SPTBN1: variants seen among roughly 807,000 people sequenced by gnomAD.
The protein encoded by SPTBN1 is spectrin beta chain, non-erythrocytic 1.
In SPTBN1, 32 loss-of-function variants were observed where a neutral mutation model predicts 266.4. That is an observed-to-expected ratio of 0.12 (90% confidence interval 0.09 to 0.16). The LOEUF is 0.16. SPTBN1 is among the 10% of genes least tolerant of loss of function. SPTBN1 has a pLI of 1.00. For synonymous variants in SPTBN1, 1,336 were observed against 1,162.2 expected, an observed-to-expected ratio of 1.15 and a Z score of -3.04; for missense variants, 2,296 against 3,067.1, an observed-to-expected ratio of 0.75 and a Z score of 5.94.
rs1206950771 is a variant in SPTBN1 at position 54,645,202 on chromosome 2, G to A, written c.4270-27G>A. On this transcript the variant is annotated intron_variant, in intron 20 of 35. Coordinates refer to ENST00000356805, the MANE Select transcript of SPTBN1 (RefSeq NM_003128.3). This position sits in a 1 kb window ranked among gnomAD's most constrained non-coding sequence, Gnocchi z 4.3. Reference sequence around the variant, plus strand: ...CACTGCAAAAGATAGTCTGTGCTGAGCGCTGAGGCTGCTTCTCTGCCCTCA... The same window carrying A: ...CACTGCAAAAGATAGTCTGTGCTGAACGCTGAGGCTGCTTCTCTGCCCTCA... 4 of 1,612,600 alleles carry A rather than the reference G, an allele frequency of 2.5e-6. No individual in the cohort carries two copies. In the South Asian group the frequency reaches 3.3e-5, roughly 13 times the overall value.
chr2:54,557,350 A>G (rs1366482107), intron 2 of SPTBN1, among the ~76,000 whole-genome samples: 2 of 151,554 alleles, frequency 1.3e-5, no homozygotes, highest in African/African-American at 4.9e-5. Context: ...TGGAAATGCC[A>G]AAAGTGTAAT....
intron 2 of SPTBN1, among the ~76,000 whole-genome samples, chr2:54,568,470 T>C (rs1052901419): frequency 1.3e-5 from 2 of 152,182 alleles, no homozygotes; most frequent in African/African-American, 4.8e-5. Flanking sequence ...TTTTTGGTTT[T>C]TTTGAATAAA....
rs10176445 is a variant in SPTBN1 at position 54,618,639 on chromosome 2, G to A, written c.763+446G>A. On this transcript the variant is annotated intron_variant, in intron 7 of 35. Coordinates refer to ENST00000356805, the MANE Select transcript of SPTBN1 (RefSeq NM_003128.3). Reference sequence around the variant, plus strand: ...AAAAGTAGAAAACCTGGCATAGGCTGTTAATGAATACTTGTTGGCTGACAT... The same window carrying A: ...AAAAGTAGAAAACCTGGCATAGGCTATTAATGAATACTTGTTGGCTGACAT... 1.8e-3 allele frequency among the ~76,000 whole-genome samples: 275 copies of A among 152,204 alleles called. 1 individual carries two copies. The highest frequency in any genetic ancestry group is 2.9e-3 in the Admixed American group (45 of 15,294).
chr2:54,607,880 G>A (rs375117933), intron 3 of SPTBN1, among the ~76,000 whole-genome samples: 5 of 152,094 alleles, frequency 3.3e-5, no homozygotes, highest in South Asian at 2.1e-4. Context: ...TTTTTTATAG[G>A]AGAAAAGAAA....
chr2:54,625,317 G>T (rs1678250904), intron 11 of SPTBN1, among the ~76,000 whole-genome samples: 1 of 152,044 alleles, frequency 6.6e-6, no homozygotes, highest in Admixed American at 6.6e-5. Context: ...AACAAAAATG[G>T]CTTGCTTTTC....
intron 2 of SPTBN1, among the ~76,000 whole-genome samples, chr2:54,597,757 C>T (rs543954607): frequency 2.6e-5 from 4 of 152,224 alleles, no homozygotes; most frequent in African/African-American, 7.2e-5. Context: ...AACCTGAGAA[C>T]CCAGTACTCT....
intron 24 of SPTBN1, 29 bp downstream of exon 24, chr2:54,647,290 C>T (rs199796141): frequency 4.5e-5 from 73 of 1,610,106 alleles, no homozygotes; most frequent in East Asian, 2.9e-4. Context: ...GTGTGAGACC[C>T]GGCTCTCGAT....
At chr2:54,522,043 G>A (rs1208735049) in intron 1 of SPTBN1, among the ~76,000 whole-genome samples, 5 of 151,430 alleles carry the variant, frequency 3.3e-5, no homozygotes, top group South Asian at 4.2e-4. Context: ...AACCACAGGC[G>A]CATGCCACCA....
chr2:54,592,143 G>A (rs1675723731), intron 2 of SPTBN1, among the ~76,000 whole-genome samples: 1 of 152,036 alleles, frequency 6.6e-6, no homozygotes, highest in Admixed American at 6.6e-5. Context: ...CTCTAGCTGG[G>A]GTGACAGACT....
At chr2:54,486,693 C>G (rs941648627) in intron 1 of SPTBN1, among the ~76,000 whole-genome samples, 2 of 147,800 alleles carry the variant, frequency 1.4e-5, no homozygotes, top group Middle Eastern at 3.5e-3. Flanking sequence ...TCCCCCTCTG[C>G]GAGAAACACC....
rs770728751 is a variant in SPTBN1 at position 54,659,938 on chromosome 2, A to G, written c.6359A>G (p.Asp2120Gly). ...CCTTTTCCCCTCTTCCCTAACAGGG[A>G]TACTTCAAAAGGAGAACAAGTTTCC... Reference protein sequence around the residue: ...SEEAESQQQWDTSKGEQVSQN... With the variant: ...SEEAESQQQWGTSKGEQVSQN... Residue 2120 changes from aspartate (D) to glycine (G), a missense_variant and splice_region_variant, in exon 32 of 36, where the codon GAT (aspartate) becomes GGT (glycine). Coordinates refer to ENST00000356805, the MANE Select transcript of SPTBN1 (RefSeq NM_003128.3). 1 of 1,613,708 alleles carries G rather than the reference A, an allele frequency of 6.2e-7. No homozygotes were observed. The highest frequency in any genetic ancestry group is 8.5e-7 in the Non-Finnish European group (1 of 1,179,868).
chr2:54,593,060 A>G (rs1016747658), intron 2 of SPTBN1, among the ~76,000 whole-genome samples: 1 of 152,226 alleles, frequency 6.6e-6, no homozygotes, highest in African/African-American at 2.4e-5. Flanking sequence ...GGAGCACCAT[A>G]CTAGGATTTC....
intron 1 of SPTBN1, among the ~76,000 whole-genome samples, chr2:54,478,088 A>C (rs1163578331): frequency 1.3e-5 from 2 of 152,210 alleles, no homozygotes; most frequent in African/African-American, 4.8e-5. Context: ...AACATTTTTC[A>C]CATGGTCTGA....
At chr2:54,594,290 C>T (rs1428617236) in intron 2 of SPTBN1, among the ~76,000 whole-genome samples, 1 of 151,908 alleles carries the variant, frequency 6.6e-6, no homozygotes, top group Non-Finnish European at 1.5e-5. Flanking sequence ...GCAGGTTCCT[C>T]ATTTGTGGAT....
intron 1 of SPTBN1, among the ~76,000 whole-genome samples, chr2:54,493,213 C>G (rs934394743): frequency 6.6e-6 from 1 of 151,736 alleles, no homozygotes; most frequent in Non-Finnish European, 1.5e-5. Context: ...GCCATGTTGC[C>G]CAGGCTGGTC....
intron 1 of SPTBN1, among the ~76,000 whole-genome samples, chr2:54,478,387 G>A (rs941922587): frequency 2.0e-5 from 3 of 152,100 alleles, no homozygotes; most frequent in Admixed American, 2.0e-4. Flanking sequence ...GCCACCCTCT[G>A]GACCTGGTCA....
intron 2 of SPTBN1, among the ~76,000 whole-genome samples, chr2:54,567,606 A>G (rs576223606): frequency 1.6e-4 from 25 of 152,208 alleles, no homozygotes; most frequent in Admixed American, 9.8e-4. Flanking sequence ...TGCAAGTGCA[A>G]TTTGCTACAT....
intron 3 of SPTBN1, among the ~76,000 whole-genome samples, chr2:54,600,578 G>A (rs898663351): frequency 7.9e-5 from 12 of 152,190 alleles, no homozygotes; most frequent in African/African-American, 2.7e-4. Context: ...TTTCCAAAGT[G>A]AGTCTTGTTT....
chr2:54,530,317 C>A (rs1671140144), intron 2 of SPTBN1, among the ~76,000 whole-genome samples: 3 of 135,484 alleles, frequency 2.2e-5, no homozygotes, highest in African/African-American at 8.3e-5. Context: ...TTGACAGATA[C>A]TTCCTATTAT....
Sources: allele counts gnomAD v4.1 joint callset (sites outside exome capture counted in the v4.1 genomes callset), GRCh38; gene constraint gnomAD v4.1.1; non-coding constraint Gnocchi (gnomAD v3.1); transcripts MANE v1.5; gene names NCBI Gene and HGNC (gene_info 2026-07-23, HGNC 2026-07-21).